The following TSPAN12 variants were observed in gnomAD, a reference collection of about 807,000 sequenced individuals.
The protein encoded by TSPAN12 is tetraspanin-12.
A neutral mutation model predicts 39.2 loss-of-function variants in TSPAN12; 19 were observed. The ratio of observed to expected loss-of-function variants is 0.49; its 90% confidence interval spans 0.34 to 0.71. TSPAN12 has a LOEUF of 0.71. TSPAN12 is among the 30% of genes least tolerant of loss of function. The probability of loss-of-function intolerance (pLI) is 0.01; values close to 1 mark genes in which losing one functional copy is unlikely to be tolerated. For synonymous variants in TSPAN12, 119 were observed against 124.8 expected (o/e 0.95, Z 0.31); for missense variants, 314 against 359.9 (o/e 0.87, Z 1.03).
intron 6 of TSPAN12, among the ~76,000 whole-genome samples, chr7:120,810,168 T>C (rs1002454517): frequency 7.2e-5 from 11 of 152,188 alleles, no homozygotes; most frequent in African/African-American, 2.7e-4. Context: ...TGGATATTTA[T>C]CAAGTTAACT....
At chr7:120,838,300 A>C (rs1417265018) in intron 4 of TSPAN12, among the ~76,000 whole-genome samples, 1 of 152,230 alleles carries the variant, frequency 6.6e-6, no homozygotes, top group Non-Finnish European at 1.5e-5. Context: ...AAAAAACAAC[A>C]ACCAAGATTA....
intron 2 of TSPAN12, among the ~76,000 whole-genome samples, chr7:120,851,517 T>A (rs543212622): frequency 3.3e-5 from 5 of 152,296 alleles, no homozygotes; most frequent in African/African-American, 1.2e-4. Flanking sequence ...GAATTTTAAA[T>A]GTTCACCAAT....
At position 120,838,780 on chromosome 7, in the gene TSPAN12, T is replaced by C. The variant is rs1384658779; in HGVS notation, c.282A>G (p.Ala94=). 4 of 1,613,818 alleles carry C rather than the reference T, an allele frequency of 2.5e-6. No homozygotes were observed. Among genetic ancestry groups the C allele is most frequent in the East Asian group, 4.5e-5 (2 of 44,844 alleles). The change falls in exon 4 of 8, where the codon GCA becomes GCG. Residue 94 remains alanine (A), a synonymous_variant. Transcript: ENST00000222747. ...AAGAGAAAATATAACATCATACCCA[T>C]GCAAGAAGCAACAGATTTCTTTTCA... The part of the protein sequence containing the change: ...GTVKRNLLLL[A]WYFGSLLVIF...
rs372498612 is a variant in TSPAN12, at chr7:120,788,635, A to T, written c.875T>A (p.Met292Lys). 6.2e-7 allele frequency: 1 copy of T among 1,614,140 alleles called. No individual in the cohort carries two copies. The highest frequency in any genetic ancestry group is 2.2e-5 in the East Asian group (1 of 44,884). ...AAAGTGTGTATTAAAGCTGTTTGCC[A>T]TGGATGTGTGTTCAAAGATTCTTGA... ...SLSRIFEHTS[M>K]ANSFNTHFEM... is the part of the protein sequence containing the mutation. The change falls in exon 8 of 8, where the codon ATG becomes AAG. Residue 292 changes from methionine to lysine, a missense_variant. Met to Lys is a moderately conservative substitution (Grantham distance 95). Coordinates refer to ENST00000222747, the MANE Select transcript of TSPAN12 (RefSeq NM_012338.4).
At chr7:120,799,596 TTATATATAATTA>T (rs1562938295) in intron 7 of TSPAN12, among the ~76,000 whole-genome samples, 2 of 113,878 alleles carry the variant, frequency 1.8e-5, no homozygotes, top group Non-Finnish European at 3.4e-5. Context: ...AATAATATAA[TTATATATAATTA>T]TATATATAAT....
At chr7:120,832,927 C>T (rs1330975893) in intron 4 of TSPAN12, among the ~76,000 whole-genome samples, 1 of 152,000 alleles carries the variant, frequency 6.6e-6, no homozygotes, top group African/African-American at 2.4e-5. Context: ...ATAAATGAAG[C>T]ATAGTTAAAG....
At chr7:120,821,459 A>T (rs1354541458) in intron 4 of TSPAN12, among the ~76,000 whole-genome samples, 1 of 151,882 alleles carries the variant, frequency 6.6e-6, no homozygotes, top group Non-Finnish European at 1.5e-5. Context: ...AAAATGGAAG[A>T]ACATAGGCTT....
intron 4 of TSPAN12, among the ~76,000 whole-genome samples, chr7:120,817,699 G>A (rs1794111033): frequency 1.3e-5 from 2 of 152,110 alleles, no homozygotes; most frequent in Admixed American, 1.3e-4. Flanking sequence ...GAGGCAAGCA[G>A]CAAAAATATG....
intron 7 of TSPAN12, among the ~76,000 whole-genome samples, chr7:120,792,613 C>A (rs1172824487): frequency 6.6e-6 from 1 of 152,182 alleles, no homozygotes; most frequent in East Asian, 1.9e-4. Flanking sequence ...CCGGGAGACT[C>A]ACTGGTTCTA....
In TSPAN12 at chr7:120,856,805, C is replaced by T. The variant is rs1794880454; in HGVS notation, c.-42G>A. ...GAGAAGCCCCATCCTTTCACCACAT[C>T]CTACTCCCAAGGGCAAAACGGCAGC... On this transcript the variant is annotated 5_prime_UTR_variant, in exon 2 of 8. Transcript: ENST00000222747. 6.2e-7 allele frequency: 1 copy of T among 1,610,520 alleles called. No individual in the cohort carries two copies. The highest frequency in any genetic ancestry group is 8.5e-7 in the Non-Finnish European group (1 of 1,176,830).
intron 2 of TSPAN12, among the ~76,000 whole-genome samples, chr7:120,853,757 C>T (rs956129772): frequency 6.7e-5 from 10 of 150,112 alleles, no homozygotes; most frequent in Middle Eastern, 3.5e-3. Context: ...ACCTGTAGTC[C>T]CAGCTACTCA....
intron 2 of TSPAN12, 144 bp downstream of exon 2, chr7:120,856,554 T>TCAAATTTTACTTCTCTGAAGG: frequency 1.1e-6 from 1 of 870,550 alleles, no homozygotes; most frequent in Non-Finnish European, 1.9e-6. Context: ...TTTAAGAAGG[T>TCAAATTTTACTTCTCTGAAGG]CAAATTTTAC....
At chr7:120,838,414 A>G (rs1034190648) in intron 4 of TSPAN12, among the ~76,000 whole-genome samples, 52 of 152,312 alleles carry the variant, frequency 3.4e-4, no homozygotes, top group African/African-American at 1.2e-3. Context: ...AGGAGCTTAC[A>G]GGGTGGATTT....
chr7:120,837,608 G>C (rs896872995), intron 4 of TSPAN12, among the ~76,000 whole-genome samples: 2 of 152,082 alleles, frequency 1.3e-5, no homozygotes, highest in African/African-American at 4.8e-5. Flanking sequence ...CACCTTGCCC[G>C]GCCTGAGTGT....
rs201225074 is a variant in TSPAN12, at chr7:120,856,709, G to C, written c.55C>G (p.Leu19Val). 134 of 1,614,136 alleles carry C rather than the reference G, an allele frequency of 8.3e-5. No homozygotes were observed. Among genetic ancestry groups the C allele is most frequent in the Middle Eastern group, 6.6e-4 (4 of 6,084 alleles). The change falls in exon 2 of 8, where the codon CTG becomes GTG. Residue 19 changes from leucine (L) to valine (V), a missense_variant. Leu to Val is a conservative substitution (Grantham distance 32, BLOSUM62 1). Coordinates refer to ENST00000222747, the MANE Select transcript of TSPAN12 (RefSeq NM_012338.4). Reference sequence around the variant, plus strand: ...TGAAACTTACTTACCCAAAAGAGCAGATTGAGGGCGTAGAGCAGGCAGCGC... The same window carrying C: ...TGAAACTTACTTACCCAAAAGAGCACATTGAGGGCGTAGAGCAGGCAGCGC... ...CLRCLLYALN[L>V]LFWLMSISVL... is the part of the protein sequence containing the mutation.
At chr7:120,850,752 C>CT (rs1794755525) in intron 2 of TSPAN12, among the ~76,000 whole-genome samples, 2 of 151,484 alleles carry the variant, frequency 1.3e-5, no homozygotes, top group African/African-American at 4.9e-5. Flanking sequence ...TGCAGTGACA[C>CT]GATCTTGGCT....
At chr7:120,805,070 T>C (rs1156312076) in intron 7 of TSPAN12, among the ~76,000 whole-genome samples, 2 of 152,080 alleles carry the variant, frequency 1.3e-5, no homozygotes, top group Admixed American at 6.6e-5. Context: ...TGTGGGACTT[T>C]GTTATGGCAG....
chr7:120,857,836 G>A lies in TSPAN12; in HGVS notation c.-87C>T. ...GCCACTTACCGTCGGCGCTGGGCCC[G>A]GTGCCCCACGCCCGCCTGGGGATAG... On this transcript the variant is annotated 5_prime_UTR_variant, in exon 1 of 8. Transcript: ENST00000222747. The A allele has an allele frequency of 6.6e-6, 1 of 152,150 alleles. No homozygotes were observed. Among genetic ancestry groups the A allele is most frequent in the Non-Finnish European group, 1.5e-5 (1 of 68,048 alleles). 9.4% of individuals were successfully genotyped at this position (152,150 alleles called of 1,614,324 possible).
rs544161906 is a variant in TSPAN12, at chr7:120,850,412, TAGA to T, written c.66+6283_66+6285del. On this transcript the variant is annotated intron_variant, in intron 2 of 7. Coordinates refer to ENST00000222747, the MANE Select transcript of TSPAN12 (RefSeq NM_012338.4). ...ATGATCACCCTAAAGTCACTATAAG[TAGA>T]AGAAGAGTAAAATGCCTCATTCTAC... Among the ~76,000 whole-genome samples the T allele has an allele frequency of 8.9e-4, 135 of 152,308 alleles. 3 individuals carry two copies. The highest frequency in any genetic ancestry group is 3.4e-3 in the Middle Eastern group (1 of 294).
Sources: gnomAD v4.1 joint callset for allele counts (sites outside exome capture counted in the v4.1 genomes callset) on GRCh38, gnomAD v4.1.1 for gene constraint, MANE v1.5 for transcripts, NCBI Gene and HGNC (gene_info 2026-07-23, HGNC 2026-07-21) for gene names.